Variants in ACVR1C observed in about 807,000 individuals in gnomAD.
ACVR1C encodes the protein activin receptor type-1C.
ACVR1C carries 23 observed loss-of-function variants against 57.9 expected under a neutral mutation model. The observed-to-expected ratio is 0.40, with a 90% CI of 0.29 to 0.56. The LOEUF (loss-of-function observed/expected upper bound fraction) is 0.56, where lower values mean the gene tolerates loss of function less well. ACVR1C is among the 20% of genes least tolerant of loss of function. The pLI, the probability that ACVR1C is intolerant of heterozygous loss-of-function variation, is 0.50. For synonymous variants in ACVR1C, 214 were observed against 215.3 expected (o/e 0.99, Z 0.05); for missense variants, 480 against 607.9 (o/e 0.79, Z 2.21).
intron 3 of ACVR1C, among the ~76,000 whole-genome samples, chr2:157,554,217 A>AAGAAAGAG (rs1688005513): frequency 1.1e-4 from 12 of 104,434 alleles, no homozygotes; most frequent in South Asian, 1.1e-3. Context: ...GAAAGAAAGA[A>AAGAAAGAG]AGAAAGAAAG....
chr2:157,612,503 C>A (rs1396058951), intron 1 of ACVR1C, among the ~76,000 whole-genome samples: 6 of 152,226 alleles, frequency 3.9e-5, no homozygotes, highest in Admixed American at 3.3e-4. Flanking sequence ...CAGGCTCACC[C>A]ACCTCAGCTC....
intron 8 of ACVR1C, 31 bp downstream of exon 8, chr2:157,538,542 A>C: frequency 6.6e-7 from 1 of 1,513,734 alleles, no homozygotes; most frequent in Non-Finnish European, 8.8e-7. Flanking sequence ...AAAATATAAT[A>C]AGAAAAATAT....
intron 1 of ACVR1C, among the ~76,000 whole-genome samples, chr2:157,594,353 T>G (rs1385310732): frequency 1.3e-5 from 2 of 151,414 alleles, no homozygotes; most frequent in African/African-American, 4.8e-5. Flanking sequence ...CCTCTGCTAC[T>G]CTGAACTTGT....
rs186635094 is a variant in ACVR1C, at chr2:157,553,802, A to G, written c.544+2291T>C. ...AGGTCTCTGTGCCTAGAATGTTGTC[A>G]ATATTCAAGAAATCAGGGCACAGTG... On this transcript the variant is annotated intron_variant, in intron 3 of 8. Coordinates refer to ENST00000243349, the MANE Select transcript of ACVR1C (RefSeq NM_145259.3). Among the ~76,000 whole-genome samples, 5 of 152,324 alleles carry G rather than the reference A, an allele frequency of 3.3e-5. No homozygotes were observed. The East Asian group carries it at 7.7e-4, about 23-fold the overall frequency.
At chr2:157,549,940 T>C in intron 4 of ACVR1C, among the ~76,000 whole-genome samples, 1 of 147,446 alleles carries the variant, frequency 6.8e-6, no homozygotes, top group East Asian at 2.0e-4. Context: ...GAGGCAGAGC[T>C]TGCGGTGAGC....
At chr2:157,550,656 G>A (rs1687891913) in intron 3 of ACVR1C, among the ~76,000 whole-genome samples, 1 of 151,048 alleles carries the variant, frequency 6.6e-6, no homozygotes, top group Middle Eastern at 3.4e-3. Flanking sequence ...ACAGATATCT[G>A]ATTTCCAAGA....
chr2:157,554,201 G>GAGAGAGAGAGAGAGAGAA (rs1553481316), intron 3 of ACVR1C, among the ~76,000 whole-genome samples: 2 of 41,444 alleles, frequency 4.8e-5, no homozygotes, highest in African/African-American at 1.4e-4. Flanking sequence ...ATAAAGAAGA[G>GAGAGAGAGAGAGAGAGAA]AGAAAGAAAG....
chr2:157,554,285 G>GGAAGGA (rs1558975240), intron 3 of ACVR1C, among the ~76,000 whole-genome samples: 1 of 82,206 alleles, frequency 1.2e-5, no homozygotes, highest in African/African-American at 6.5e-5. Context: ...GGAAGGAAGA[G>GGAAGGA]AGAGAGAGAG....
intron 2 of ACVR1C, 95 bp downstream of exon 2, chr2:157,587,092 T>A: frequency 1.8e-6 from 2 of 1,129,044 alleles, no homozygotes; most frequent in Non-Finnish European, 2.5e-6. Context: ...CAGATTTTCC[T>A]ATTTAAAGAA....
chr2:157,550,047 A>AAT, intron 4 of ACVR1C, 115 bp downstream of exon 4: 1 of 780,408 alleles, frequency 1.3e-6, no homozygotes, highest in Non-Finnish European at 2.0e-6. Flanking sequence ...AAAAAAAAAA[A>AAT]GAAGAGGTGA....
Position 157,542,860 on chromosome 2 carries a change from T to C in ACVR1C, c.946A>G (p.Lys316Glu), listed in dbSNP as rs768985032. Residue 316 changes from lysine to glutamate, a missense_variant and splice_region_variant, in exon 6 of 9, where the codon AAA becomes GAA. By Grantham distance (56) the Lys-to-Glu change is moderately conservative (BLOSUM62 1). Coordinates refer to ENST00000243349, the MANE Select transcript of ACVR1C (RefSeq NM_145259.3). ...ATGTCTCGATGAGCAATAGCAGGTTTACCTATGAAGCAAAGAAGAACATAT... is the reference window on the plus strand; with the variant it reads ...ATGTCTCGATGAGCAATAGCAGGTTCACCTATGAAGCAAAGAAGAACATAT... ...LHMEIVGTQG[K>E]PAIAHRDIKS... The C allele has an allele frequency of 1.2e-5, 20 of 1,613,644 alleles. No individual in the cohort carries two copies.
At chr2:157,622,447 C>T (rs1443512503) in intron 1 of ACVR1C, among the ~76,000 whole-genome samples, 1 of 152,082 alleles carries the variant, frequency 6.6e-6, no homozygotes, top group African/African-American at 2.4e-5. Context: ...AATAAAGAAC[C>T]CAGAAACAAA....
Position 157,539,647 on chromosome 2 carries a change from G to T in ACVR1C, c.1226-944C>A, listed in dbSNP as rs187507300. Among the ~76,000 whole-genome samples the T allele has an allele frequency of 7.3e-3, 1,112 of 152,258 alleles. 8 individuals carry two copies. Among genetic ancestry groups the T allele is most frequent in the African/African-American group, 0.025 (1,037 of 41,560 alleles). On this transcript the variant is annotated intron_variant, in intron 7 of 8. Transcript: ENST00000243349. ...GTGCATTGCCTTAAGGCCTTTACAG[G>T]TTTTAACTAATCAGTCCTCAAAACT...
rs868234326 is a variant in ACVR1C, at chr2:157,597,215, G to A, written c.74-9798C>T. The A allele has an allele frequency of 1.8e-4, 81 of 439,656 alleles. 1 individual carries two copies. The highest frequency in any genetic ancestry group is 1.2e-3 in the Middle Eastern group (1 of 848). The allele number at this position is 439,656 out of a possible 1,614,324, so 27.2% of individuals were successfully genotyped here. A position where few individuals can be genotyped will look rare whatever the true frequency, so the allele number is the denominator to read the frequency against. On this transcript the variant is annotated intron_variant, in intron 1 of 8. Transcript: ENST00000243349. ...ATACCTCCTGCTGCGACGCGGCCCT[G>A]CATGTGCATTAACCTGCCCCCACTT...
rs75138182 is a variant in ACVR1C at position 157,583,663 on chromosome 2, G to A, written c.304+3524C>T. ...TCAAAACAGTTTGACGATAGTATAAGGCATATAGAACAACTGAACAGAAGA... is the reference window on the plus strand; with the variant it reads ...TCAAAACAGTTTGACGATAGTATAAAGCATATAGAACAACTGAACAGAAGA... On this transcript the variant is annotated intron_variant, in intron 2 of 8. Transcript: ENST00000243349. 2.4e-3 allele frequency among the ~76,000 whole-genome samples: 361 copies of A among 152,204 alleles called. 8 individuals carry two copies. The East Asian group carries it at 0.041, about 17-fold the overall frequency.
At chr2:157,538,780 G>A (rs1687548138) in intron 7 of ACVR1C, 77 bp from the exon 8 acceptor site, 3 of 1,262,178 alleles carry the variant, frequency 2.4e-6, no homozygotes, top group East Asian at 2.8e-5. Flanking sequence ...TACCAATTAA[G>A]TTTTCTAGGC....
chr2:157,608,103 T>C (rs1682447040), intron 1 of ACVR1C, among the ~76,000 whole-genome samples: 1 of 151,900 alleles, frequency 6.6e-6, no homozygotes, highest in African/African-American at 2.4e-5. Context: ...CCATTTAGTA[T>C]GATGTTAGAT....
intron 1 of ACVR1C, among the ~76,000 whole-genome samples, chr2:157,610,245 T>C (rs1290640865): frequency 1.3e-5 from 2 of 152,090 alleles, no homozygotes; most frequent in East Asian, 3.8e-4. Context: ...TGGTGATAAA[T>C]TCCCTCAGCA....
chr2:157,614,917 T>C (rs547971673), intron 1 of ACVR1C, among the ~76,000 whole-genome samples: 17 of 152,332 alleles, frequency 1.1e-4, no homozygotes, highest in African/African-American at 3.1e-4. Context: ...GGATTTCTTA[T>C]GACAGCATAT....
Sources: allele counts gnomAD v4.1 joint callset (sites outside exome capture counted in the v4.1 genomes callset), GRCh38; gene constraint gnomAD v4.1.1; transcripts MANE v1.5; gene names NCBI Gene and HGNC (gene_info 2026-07-23, HGNC 2026-07-21).